TLDC2: variants seen among roughly 807,000 people sequenced by gnomAD.
TLDC2 encodes TBC/LysM-associated domain containing 2.
A neutral mutation model predicts 27.9 loss-of-function variants in TLDC2; 23 were observed. The observed-to-expected ratio is 0.82, with a 90% confidence interval of 0.59 to 1.17. The LOEUF (loss-of-function observed/expected upper bound fraction) is 1.17. Ranked by LOEUF, TLDC2 falls within the 50% of genes most tolerant of loss-of-function variation. The pLI, the probability that TLDC2 is intolerant of heterozygous loss-of-function variation, is 0.00. For synonymous variants in TLDC2, 124 were observed against 107.4 expected, an observed-to-expected ratio of 1.16 and a Z score of -0.96; for missense variants, 286 against 273.4, an observed-to-expected ratio of 1.05 and a Z score of -0.32.
At chr20:36,881,516 C>T (rs968690045) in intron 4 of TLDC2, among the ~76,000 whole-genome samples, 8 of 152,306 alleles carry the variant, frequency 5.3e-5, no homozygotes, top group South Asian at 2.1e-4. Context: ...GCCGCTGGGC[C>T]GTGTGAGTGG....
At chr20:36,883,660 G>A (rs1244812044) in intron 4 of TLDC2, among the ~76,000 whole-genome samples, 3 of 151,952 alleles carry the variant, frequency 2.0e-5, no homozygotes, top group African/African-American at 2.4e-5. Context: ...GTCTATATTC[G>A]GGATCCACCA....
At chr20:36,889,597 C>A in intron 6 of TLDC2, 194 bp downstream of exon 6, 1 of 556,054 alleles carries the variant, frequency 1.8e-6, no homozygotes, top group Non-Finnish European at 3.0e-6. Flanking sequence ...GATTAAAAGA[C>A]GCTTACACCT....
At chr20:36,880,251 G>A (rs1003440363) in intron 3 of TLDC2, among the ~76,000 whole-genome samples, 3 of 151,058 alleles carry the variant, frequency 2.0e-5, no homozygotes, top group African/African-American at 2.4e-5. Flanking sequence ...TTGCCACCAC[G>A]CCCGGCTAAT....
At chr20:36,889,136 G>A (rs1201152018) in intron 5 of TLDC2, 115 bp from the exon 6 acceptor site, 1 of 1,470,934 alleles carries the variant, frequency 6.8e-7, no homozygotes, top group Non-Finnish European at 9.2e-7. Flanking sequence ...GGGGCGATAA[G>A]ACAGGTGAAA....
rs2148352175 is a variant in TLDC2, at chr20:36,892,994, G to C, written c.*150G>C. The C allele has an allele frequency of 6.2e-7, 1 of 1,614,060 alleles. No homozygotes were observed. Among genetic ancestry groups the C allele is most frequent in the South Asian group, 1.1e-5 (1 of 91,052 alleles). ...TTGGATGCTTCTCGGAGGCGAGTTG[G>C]ATTTTGGACTGAAGTACTGTCGTTC... On this transcript the variant is annotated 3_prime_UTR_variant, in exon 7 of 7. Transcript: ENST00000217320.
Position 36,893,088 on chromosome 20 carries a change from A to G in TLDC2, c.*244A>G, listed in dbSNP as rs780697696. The G allele has an allele frequency of 6.2e-7, 1 of 1,611,030 alleles. No individual in the cohort carries two copies. Among genetic ancestry groups the G allele is most frequent in the Admixed American group, 1.7e-5 (1 of 59,996 alleles). On this transcript the variant is annotated 3_prime_UTR_variant, in exon 7 of 7. Transcript: ENST00000217320. ...CATCCTATTAGGAAGAGAGAGAAAA[A>G]CAGGCAATAGAGAAAAGCCAGTTTC...
chr20:36,880,081 A>ATATATGTATATATATATATG (rs1989775126), intron 3 of TLDC2, among the ~76,000 whole-genome samples: 1 of 42,028 alleles, frequency 2.4e-5, no homozygotes, highest in African/African-American at 6.1e-5. Flanking sequence ...ATATATATAT[A>ATATATGTATATATATATATG]TATATATATA....
Position 36,877,990 on chromosome 20 carries a change from A to G in TLDC2, c.125A>G (p.Glu42Gly). The G allele has an allele frequency of 1.2e-6, 2 of 1,614,118 alleles. No individual in the cohort carries two copies. The highest frequency in any genetic ancestry group is 1.7e-6 in the Non-Finnish European group (2 of 1,180,000). The change falls in exon 2 of 7, where the codon GAG becomes GGG. Residue 42 changes from glutamate to glycine, a missense_variant. Coordinates refer to ENST00000217320, the MANE Select transcript of TLDC2 (RefSeq NM_080628.3). Reference sequence around the variant, plus strand: ...GCTCCAGACCCAGCTGCTGCTCCTGAGGATCCCACGGTGCCCCAGCTGACA... The same window carrying G: ...GCTCCAGACCCAGCTGCTGCTCCTGGGGATCCCACGGTGCCCCAGCTGACA... ...EAAPDPAAAP[E>G]DPTVPQLTEA... is the part of the protein sequence containing the mutation.
intron 3 of TLDC2, among the ~76,000 whole-genome samples, chr20:36,880,351 C>T (rs1421664527): frequency 6.6e-6 from 1 of 151,854 alleles, no homozygotes; most frequent in Non-Finnish European, 1.5e-5. Context: ...GCCCCAGCCT[C>T]CCCCAAAGTG....
rs963206349 is a variant in TLDC2, at chr20:36,880,665, C to A, written c.353C>A (p.Ala118Asp). The A allele has an allele frequency of 1.9e-6, 3 of 1,613,972 alleles. No individual in the cohort carries two copies. The highest frequency in any genetic ancestry group is 2.5e-6 in the Non-Finnish European group (3 of 1,179,934). ...LRDQDGQIFG[A>D]FSSSAIRLSK... is the part of the protein sequence containing the mutation. ...ACTTCCACTTTCCAGATATTTGGAGCCTTCTCCTCCTCGGCTATCCGACTC... is the reference window on the plus strand; with the variant it reads ...ACTTCCACTTTCCAGATATTTGGAGACTTCTCCTCCTCGGCTATCCGACTC... Residue 118 changes from alanine to aspartate, a missense_variant, in exon 4 of 7, where the codon GCC becomes GAC. Ala to Asp is a moderately radical substitution (Grantham distance 126). Coordinates refer to ENST00000217320, the MANE Select transcript of TLDC2 (RefSeq NM_080628.3).
chr20:36,883,489 C>T (rs142063972), intron 4 of TLDC2, among the ~76,000 whole-genome samples: 26 of 152,180 alleles, frequency 1.7e-4, no homozygotes, highest in Admixed American at 7.2e-4. Context: ...CTGGCTTTCC[C>T]GCACAAAGCC....
intron 1 of TLDC2, among the ~76,000 whole-genome samples, chr20:36,877,169 T>C (rs1303321300): frequency 6.6e-6 from 1 of 151,730 alleles, no homozygotes; most frequent in Non-Finnish European, 1.5e-5. Context: ...TCATCTGAGG[T>C]CAGGAGTTCG....
intron 4 of TLDC2, among the ~76,000 whole-genome samples, chr20:36,883,686 C>T (rs1989862393): frequency 6.6e-6 from 1 of 152,218 alleles, no homozygotes; most frequent in Non-Finnish European, 1.5e-5. Context: ...ATGTCCTTTA[C>T]TGCCATCTTG....
intron 2 of TLDC2, among the ~76,000 whole-genome samples, chr20:36,878,285 A>C (rs553983195): frequency 2.1e-4 from 32 of 152,346 alleles, no homozygotes; most frequent in African/African-American, 6.7e-4. Context: ...TTAAGGAGGT[A>C]AAGAAAGAGG....
intron 1 of TLDC2, among the ~76,000 whole-genome samples, chr20:36,877,603 A>G (rs1410647943): frequency 2.0e-5 from 3 of 152,146 alleles, no homozygotes; most frequent in Non-Finnish European, 4.4e-5. Context: ...ACCATGGCAA[A>G]CAGACCGACA....
Position 36,883,209 on chromosome 20 carries a change from T to C in TLDC2, c.438+2459T>C, listed in dbSNP as rs192780383. Among the ~76,000 whole-genome samples the C allele has an allele frequency of 2.8e-4, 43 of 151,710 alleles. No homozygotes were observed. In the East Asian group the frequency reaches 8.4e-3, roughly 29 times the overall value. On this transcript the variant is annotated intron_variant, in intron 4 of 6. Transcript: ENST00000217320. ...TGGAGGGCAGTAGCGCCATCTCGGC[T>C]CACCACAACCTCCACCTCCTGGGCT...
chr20:36,891,151 T>C (rs1322852368), intron 6 of TLDC2: 1 of 152,218 alleles, frequency 6.6e-6, no homozygotes, highest in Non-Finnish European at 1.5e-5. Flanking sequence ...TACAGCACCA[T>C]GGTAGGCATG....
chr20:36,882,528 TA>T (rs1027326254), intron 4 of TLDC2, among the ~76,000 whole-genome samples: 3 of 145,948 alleles, frequency 2.1e-5, no homozygotes, highest in Non-Finnish European at 4.6e-5. Context: ...TGCTGTCTCT[TA>T]AAAAAAATTT....
chr20:36,893,178 C>T lies in TLDC2; in HGVS notation c.*334C>T. 1 of 1,343,286 alleles carries T rather than the reference C, an allele frequency of 7.4e-7. No homozygotes were observed. 83.2% of individuals were successfully genotyped at this position (1,343,286 alleles called of 1,614,324 possible). Reference sequence around the variant, plus strand: ...TCCTCATCTTGCATATAGATTGCTTCTAGCTGTCCTCAATCCAGGGAAACT... The same window carrying T: ...TCCTCATCTTGCATATAGATTGCTTTTAGCTGTCCTCAATCCAGGGAAACT... On this transcript the variant is annotated 3_prime_UTR_variant, in exon 7 of 7. Coordinates refer to ENST00000217320, the MANE Select transcript of TLDC2 (RefSeq NM_080628.3).
Sources: allele counts gnomAD v4.1 joint callset (sites outside exome capture counted in the v4.1 genomes callset), GRCh38; gene constraint gnomAD v4.1.1; transcripts MANE v1.5; gene names NCBI Gene and HGNC (gene_info 2026-07-23, HGNC 2026-07-21).